The following ARFGEF1 variants were observed in gnomAD, a reference collection of about 807,000 sequenced individuals.
The protein encoded by ARFGEF1 is ARF guanine nucleotide exchange factor 1, also known as brefeldin A-inhibited guanine nucleotide-exchange protein 1.
ARFGEF1 carries 42 observed loss-of-function variants against 231.0 expected under a neutral mutation model. That is an observed-to-expected ratio of 0.18 (90% CI 0.14 to 0.24). The LOEUF (loss-of-function observed/expected upper bound fraction) is 0.24, where lower values mean the gene tolerates loss of function less well. Among genes scored for constraint, ARFGEF1 ranks in the 10% least tolerant of loss-of-function variants. ARFGEF1 has a pLI of 1.00. For synonymous variants in ARFGEF1, 710 were observed against 732.3 expected (o/e 0.97, Z 0.49); for missense variants, 1,345 against 2,192.0 (o/e 0.61, Z 7.72).
At chr8:67,265,295 T>C (rs1804806449) in intron 14 of ARFGEF1, among the ~76,000 whole-genome samples, 1 of 152,102 alleles carries the variant, frequency 6.6e-6, no homozygotes, top group Admixed American at 6.6e-5. Context: ...CAGGAAGAAA[T>C]GCTTTACAGA....
intron 5 of ARFGEF1, among the ~76,000 whole-genome samples, chr8:67,178,343 A>G (rs1832178962): frequency 6.6e-6 from 1 of 152,204 alleles, no homozygotes; most frequent in South Asian, 2.1e-4. Context: ...TTTTTGTGCA[A>G]GACTGAATAA....
intron 20 of ARFGEF1, 121 bp downstream of exon 20, chr8:67,240,041 C>T: frequency 2.3e-6 from 3 of 1,327,168 alleles, no homozygotes; most frequent in Non-Finnish European, 3.1e-6. Context: ...ATTTAAATTC[C>T]ATCATAAACT....
chr8:67,189,900 T>C (rs949378721), intron 5 of ARFGEF1, among the ~76,000 whole-genome samples: 2 of 152,178 alleles, frequency 1.3e-5, no homozygotes, highest in Non-Finnish European at 2.9e-5. Context: ...TATTTGTCCA[T>C]GTCAAATTAG....
intron 1 of ARFGEF1, among the ~76,000 whole-genome samples, chr8:67,308,952 C>T (rs1806869048): frequency 6.6e-6 from 1 of 151,884 alleles, no homozygotes; most frequent in Non-Finnish European, 1.5e-5. Flanking sequence ...ATATATAATG[C>T]ATTATTATTT....
chr8:67,198,263 AAAG>A lies in ARFGEF1; in HGVS notation c.*668_*670del, dbSNP rs373851204. On this transcript the variant is annotated 3_prime_UTR_variant, in exon 39 of 39. Coordinates refer to ENST00000262215, the MANE Select transcript of ARFGEF1 (RefSeq NM_006421.5). ...AAACTAAAAATCCCTATAAAATAAA[AAAG>A]AAAGTTCCACCCAAATGTTTAGTGC... 3.3e-5 allele frequency: 33 copies of A among 985,832 alleles called. No homozygotes were observed. The East Asian group carries it at 2.4e-3, about 71-fold the overall frequency. 61.1% of individuals were successfully genotyped at this position (985,832 alleles called of 1,614,324 possible).
At chr8:67,319,992 G>A (rs946957796) in intron 1 of ARFGEF1, among the ~76,000 whole-genome samples, 4 of 151,824 alleles carry the variant, frequency 2.6e-5, no homozygotes, top group Non-Finnish European at 4.4e-5. Context: ...AGGCCGAGGC[G>A]GGTGGATCAC....
downstream of ARFGEF1, among the ~76,000 whole-genome samples, chr8:67,194,923 A>T (rs1478070123): frequency 6.6e-6 from 1 of 152,182 alleles, no homozygotes; most frequent in Non-Finnish European, 1.5e-5. Context: ...ATAACTTAAT[A>T]ATTTCCTTAT....
chr8:67,306,250 A>C (rs1210755596), intron 1 of ARFGEF1, among the ~76,000 whole-genome samples: 1 of 152,198 alleles, frequency 6.6e-6, no homozygotes, highest in East Asian at 1.9e-4. Context: ...ATGTGACTAA[A>C]TGGGAAGGTA....
intron 35 of ARFGEF1, among the ~76,000 whole-genome samples, chr8:67,204,262 G>A (rs74510840): frequency 0.025 from 3,740 of 152,146 alleles, 167 homozygotes; most frequent in African/African-American, 0.085. Context: ...TTCCAAAGTC[G>A]TCCAAACAGT....
intron 1 of ARFGEF1, among the ~76,000 whole-genome samples, chr8:67,330,959 G>A (rs75092641): frequency 0.015 from 2,305 of 151,984 alleles, 63 homozygotes; most frequent in African/African-American, 0.053. Context: ...AAGAAGAGAA[G>A]GCAAGAAAAT....
chr8:67,209,676 G>A (rs1046335174), intron 34 of ARFGEF1, among the ~76,000 whole-genome samples: 3 of 152,160 alleles, frequency 2.0e-5, no homozygotes, highest in African/African-American at 7.2e-5. Flanking sequence ...TTCAGCAAAT[G>A]GAACTGAATT....
At chr8:67,277,259 C>T (rs748578191) in intron 8 of ARFGEF1, 23 bp downstream of exon 8, 1 of 1,609,072 alleles carries the variant, frequency 6.2e-7, no homozygotes, top group Admixed American at 1.7e-5. Flanking sequence ...GATTTCTCCC[C>T]CTCCCCACCC....
intron 23 of ARFGEF1, among the ~76,000 whole-genome samples, chr8:67,231,622 G>C (rs1839556789): frequency 6.6e-6 from 1 of 151,986 alleles, no homozygotes; most frequent in East Asian, 1.9e-4. Flanking sequence ...TTTTCTGGAA[G>C]GCAAGAAAAT....
At chr8:67,329,888 A>T (rs1808020045) in intron 1 of ARFGEF1, among the ~76,000 whole-genome samples, 1 of 152,048 alleles carries the variant, frequency 6.6e-6, no homozygotes, top group South Asian at 2.1e-4. Flanking sequence ...TATTTTTACA[A>T]ATGTTAAGGA....
chr8:67,316,340 G>A (rs569726890), intron 1 of ARFGEF1, among the ~76,000 whole-genome samples: 6 of 152,102 alleles, frequency 3.9e-5, no homozygotes, highest in Non-Finnish European at 7.4e-5. Context: ...ATTCTACCAC[G>A]TTTATAAAAG....
At chr8:67,331,628 C>T (rs1808103678) in intron 1 of ARFGEF1, among the ~76,000 whole-genome samples, 1 of 151,618 alleles carries the variant, frequency 6.6e-6, no homozygotes, top group Admixed American at 6.6e-5. Flanking sequence ...TCTAATAACC[C>T]TCAAGAAAAA....
intron 1 of ARFGEF1, among the ~76,000 whole-genome samples, chr8:67,316,484 C>T (rs750246272): frequency 6.6e-6 from 1 of 150,474 alleles, no homozygotes; most frequent in Non-Finnish European, 1.5e-5. Context: ...TTTTCTGAGA[C>T]GGGGTCCACT....
intron 1 of ARFGEF1, among the ~76,000 whole-genome samples, chr8:67,311,120 A>C (rs1203864531): frequency 1.4e-5 from 2 of 143,508 alleles, no homozygotes; most frequent in Non-Finnish European, 3.0e-5. Flanking sequence ...TGGGGGGGTC[A>C]GCCCCGCGAC....
At chr8:67,196,824 C>T (rs775893622), downstream of ARFGEF1, among the ~76,000 whole-genome samples, 1 of 152,130 alleles carries the variant, frequency 6.6e-6, no homozygotes, top group African/African-American at 2.4e-5. Flanking sequence ...CACAGTGGCT[C>T]GCAGTTCTAG....
Sources: allele counts gnomAD v4.1 joint callset (sites outside exome capture counted in the v4.1 genomes callset), GRCh38; gene constraint gnomAD v4.1.1; transcripts MANE v1.5; gene names NCBI Gene and HGNC (gene_info 2026-07-23, HGNC 2026-07-21).